Variants in AMMECR1 observed in about 807,000 individuals in gnomAD.
The protein encoded by AMMECR1 is nuclear protein AMMECR1.
Under a neutral mutation model 22.5 loss-of-function variants are expected in AMMECR1, and 3 were observed. That is an observed-to-expected ratio of 0.13 (90% confidence interval 0.06 to 0.35). The LOEUF is 0.35. Ranked by LOEUF, AMMECR1 falls within the 10% of genes least tolerant of loss-of-function variation. The pLI, the probability that AMMECR1 is intolerant of heterozygous loss-of-function variation, is 1.00. For synonymous variants in AMMECR1, 130 were observed against 116.7 expected (o/e 1.11, Z -0.74); for missense variants, 235 against 278.7 (o/e 0.84, Z 1.12).
intron 2 of AMMECR1, among the ~76,000 whole-genome samples, chrX:110,222,621 G>GAA (rs745959315): frequency 7.5e-5 from 6 of 80,344 alleles, no homozygotes; most frequent in African/African-American, 1.8e-4. Context: ...TCCAATTCTG[G>GAA]AAAAAAAAAA....
intron 2 of AMMECR1, among the ~76,000 whole-genome samples, chrX:110,363,422 A>T (rs1237055220): frequency 3.6e-5 from 4 of 111,898 alleles, no homozygotes; most frequent in African/African-American, 1.3e-4. Flanking sequence ...GGCTGCCCAC[A>T]GAAAAGTATT....
At chrX:110,403,972 C>T (rs2068581373) in intron 2 of AMMECR1, among the ~76,000 whole-genome samples, 1 of 112,367 alleles carries the variant, frequency 8.9e-6, no homozygotes, top group Admixed American at 9.4e-5. Flanking sequence ...CCTCATTAGC[C>T]TGTGAACTTC....
intron 2 of AMMECR1, among the ~76,000 whole-genome samples, chrX:110,380,730 C>T (rs767207292): frequency 5.8e-4 from 65 of 112,363 alleles, no homozygotes; most frequent in Non-Finnish European, 9.2e-4. Flanking sequence ...CAGCATGTTG[C>T]TGGTACAGAA....
chrX:110,249,096 C>T (rs2067673665), intron 2 of AMMECR1, among the ~76,000 whole-genome samples: 1 of 111,363 alleles, frequency 9.0e-6, no homozygotes, highest in Admixed American at 9.5e-5. Context: ...GGAGACAGTG[C>T]CTCAAGATTC....
chrX:110,316,967 CGA>C (rs894133435), intron 1 of AMMECR1, among the ~76,000 whole-genome samples: 3 of 109,954 alleles, frequency 2.7e-5, no homozygotes, highest in African/African-American at 1.0e-4. Flanking sequence ...GCTCGCTACA[CGA>C]GAAACACATT....
intron 2 of AMMECR1, among the ~76,000 whole-genome samples, chrX:110,260,884 G>A (rs756837915): frequency 1.8e-5 from 2 of 112,023 alleles, no homozygotes; most frequent in African/African-American, 3.2e-5. Context: ...ATTGACACAC[G>A]CTACCACATG....
In AMMECR1 at chrX:110,273,941, G is replaced by T. The variant is rs187773454; in HGVS notation, c.474-9342C>A. On this transcript the variant is annotated intron_variant, in intron 1 of 5. Transcript: ENST00000262844. ...TGATGACTCTCAACTTGGTCTTTTT[G>T]CTTTAGGATTGCTTTGGCTATTCAT... Among the ~76,000 whole-genome samples the T allele has an allele frequency of 5.4e-3, 603 of 111,783 alleles. 3 individuals are homozygous for T. The highest frequency in any genetic ancestry group is 0.019 in the African/African-American group (587 of 30,796).
At chrX:110,204,955 C>T (rs1403800772) in intron 3 of AMMECR1, among the ~76,000 whole-genome samples, 1 of 111,774 alleles carries the variant, frequency 8.9e-6, no homozygotes, top group Non-Finnish European at 1.9e-5. Flanking sequence ...TCCTATGACT[C>T]TGAACAATTG....
intron 3 of AMMECR1, among the ~76,000 whole-genome samples, chrX:110,203,573 C>A (rs906168509): frequency 9.0e-6 from 1 of 111,174 alleles, no homozygotes; most frequent in African/African-American, 3.3e-5. Context: ...CAATGGTTCC[C>A]AAGTGGAGGG....
chrX:110,365,578 C>T (rs996489798), intron 2 of AMMECR1, among the ~76,000 whole-genome samples: 1 of 111,946 alleles, frequency 8.9e-6, no homozygotes, highest in Non-Finnish European at 1.9e-5. Flanking sequence ...AATAATCTCT[C>T]TCTAATATCT....
At chrX:110,406,068 T>C (rs1419089486) in intron 2 of AMMECR1, among the ~76,000 whole-genome samples, 1 of 110,523 alleles carries the variant, frequency 9.0e-6, no homozygotes, top group African/African-American at 3.3e-5. Context: ...CACCCCCGAC[T>C]CCCCAAATTG....
intron 1 of AMMECR1, among the ~76,000 whole-genome samples, chrX:110,279,802 A>G (rs994522333): frequency 8.9e-6 from 1 of 112,029 alleles, no homozygotes; most frequent in African/African-American, 3.2e-5. Context: ...CAAATATGGA[A>G]AAAATATGAT....
At chrX:110,352,151 T>C (rs2068213656) in intron 2 of AMMECR1, among the ~76,000 whole-genome samples, 1 of 112,070 alleles carries the variant, frequency 8.9e-6, no homozygotes, top group South Asian at 3.7e-4. Context: ...CTGTGGAAGA[T>C]TGTCTGGCAT....
rs577420029 is a variant in AMMECR1 at position 110,287,702 on chromosome X, A to G, written c.474-23103T>C. On this transcript the variant is annotated intron_variant, in intron 1 of 5. Coordinates refer to ENST00000262844, the MANE Select transcript of AMMECR1 (RefSeq NM_015365.3). ...TTAGTCTGTTACCGGGAAGCAAGTC[A>G]AAACTAGGTATTCAAAGCATAGAGT... Among the ~76,000 whole-genome samples the G allele has an allele frequency of 7.1e-5, 8 of 112,133 alleles. 1 individual carries two copies. The highest frequency in any genetic ancestry group is 2.6e-4 in the African/African-American group (8 of 30,861).
intron 2 of AMMECR1, among the ~76,000 whole-genome samples, chrX:110,358,180 C>A (rs939168731): frequency 9.0e-6 from 1 of 111,604 alleles, no homozygotes; most frequent in Non-Finnish European, 1.9e-5. Flanking sequence ...CTTAGAGTTG[C>A]GGGTTCTTTC....
intron 2 of AMMECR1, among the ~76,000 whole-genome samples, chrX:110,343,189 T>A (rs1228551676): frequency 3.9e-4 from 44 of 111,818 alleles, no homozygotes; most frequent in Non-Finnish European, 7.3e-4. Context: ...TGGTTCAACA[T>A]ACGCAAATCA....
At chrX:110,382,980 A>G (rs753163260) in intron 2 of AMMECR1, among the ~76,000 whole-genome samples, 10 of 112,086 alleles carry the variant, frequency 8.9e-5, no homozygotes, top group Non-Finnish European at 1.9e-4. Flanking sequence ...TCAGTTTTAC[A>G]TGATGCAGTG....
At chrX:110,244,317 G>A in intron 2 of AMMECR1, among the ~76,000 whole-genome samples, 1 of 111,494 alleles carries the variant, frequency 9.0e-6, no homozygotes, top group Admixed American at 9.6e-5. Flanking sequence ...GCCCGAGTCA[G>A]GGTAATAGTA....
chrX:110,401,455 G>A (rs529533680), intron 2 of AMMECR1, among the ~76,000 whole-genome samples: 8 of 111,647 alleles, frequency 7.2e-5, no homozygotes, highest in African/African-American at 2.3e-4. Flanking sequence ...GTTTTCTGAA[G>A]GTAAACTGCC....
Sources: gnomAD v4.1 joint callset for allele counts (sites outside exome capture counted in the v4.1 genomes callset) on GRCh38, gnomAD v4.1.1 for gene constraint, MANE v1.5 for transcripts, NCBI Gene and HGNC (gene_info 2026-07-23, HGNC 2026-07-21) for gene names.